Variants in TTC28 observed in about 807,000 individuals in gnomAD.
The protein encoded by TTC28 is tetratricopeptide repeat domain 28.
In TTC28, 61 loss-of-function variants were observed where a neutral mutation model predicts 198.0. The ratio of observed to expected loss-of-function variants is 0.31; its 90% CI spans 0.25 to 0.38. TTC28 has a LOEUF of 0.38. TTC28 is among the 10% of genes least tolerant of loss of function. The pLI, the probability that TTC28 is intolerant of heterozygous loss-of-function variation, is 1.00. For missense variants in TTC28, 2,678 were observed against 3,164.0 expected (o/e 0.85, Z 3.69); for synonymous variants, 1,171 against 1,297.8 (o/e 0.90, Z 2.10).
chr22:28,553,496 G>T (rs2049730171), intron 2 of TTC28, among the ~76,000 whole-genome samples: 1 of 151,566 alleles, frequency 6.6e-6, no homozygotes, highest in South Asian at 2.1e-4. Context: ...TGGGAGGCGA[G>T]GAGCGTCTCT....
At chr22:28,566,314 T>A (rs1426211499) in intron 2 of TTC28, among the ~76,000 whole-genome samples, 1 of 152,128 alleles carries the variant, frequency 6.6e-6, no homozygotes, top group African/African-American at 2.4e-5. Flanking sequence ...CTGTAGCAGT[T>A]AAAACAGCAT....
At chr22:28,500,911 T>A (rs1004731756) in intron 2 of TTC28, among the ~76,000 whole-genome samples, 2 of 152,164 alleles carry the variant, frequency 1.3e-5, no homozygotes, top group Non-Finnish European at 2.9e-5. Flanking sequence ...ATAAAAAAAA[T>A]GTTGACTTCT....
intron 10 of TTC28, among the ~76,000 whole-genome samples, chr22:28,098,412 A>G (rs1437942386): frequency 6.6e-6 from 1 of 152,138 alleles, no homozygotes; most frequent in Non-Finnish European, 1.5e-5. Flanking sequence ...GACCCACCAG[A>G]CAAGAGACTT....
At chr22:28,048,756 G>A (rs5762461) in intron 12 of TTC28, among the ~76,000 whole-genome samples, 61,151 of 151,648 alleles carry the variant, frequency 0.4, 13,140 homozygotes, top group South Asian at 0.57. Context: ...TGCTCCATCT[G>A]AACCAAGCAC....
intron 2 of TTC28, among the ~76,000 whole-genome samples, chr22:28,391,704 A>G (rs1047582263): frequency 4.6e-5 from 7 of 152,140 alleles, no homozygotes; most frequent in Admixed American, 2.0e-4. Context: ...AGCTCCTTTA[A>G]GCACTTCTCT....
chr22:28,227,168 A>G (rs1471852711), intron 5 of TTC28, among the ~76,000 whole-genome samples: 1 of 152,100 alleles, frequency 6.6e-6, no homozygotes, highest in Non-Finnish European at 1.5e-5. Context: ...CTTGGCCTCA[A>G]GTGATCCTCT....
At chr22:28,279,400 T>C (rs977920740) in intron 5 of TTC28, among the ~76,000 whole-genome samples, 32 of 152,290 alleles carry the variant, frequency 2.1e-4, no homozygotes, top group Non-Finnish European at 3.8e-4. Flanking sequence ...AGACAGAGTC[T>C]TTCTCTGTCA....
rs933923797 is a variant in TTC28, at chr22:27,983,857, C to A, written c.5816-6G>T. On this transcript the variant is annotated splice_polypyrimidine_tract_variant and splice_region_variant and intron_variant, in intron 22 of 22. Coordinates refer to ENST00000397906, the MANE Select transcript of TTC28 (RefSeq NM_001145418.2). ...CTTGGGTAGCTCAGTAGAATCTAAG[C>A]ACAAAACACAAGGGCCCCAAGGACA... 3.9e-6 allele frequency: 6 copies of A among 1,542,796 alleles called. No homozygotes were observed. In the African/African-American group the frequency reaches 8.3e-5, roughly 21 times the overall value.
intron 2 of TTC28, among the ~76,000 whole-genome samples, chr22:28,571,577 T>A (rs2050060677): frequency 6.6e-6 from 1 of 152,182 alleles, no homozygotes; most frequent in African/African-American, 2.4e-5. Context: ...ACTCTCTAAT[T>A]TATCCTGAAG....
rs1232777899 is a variant in TTC28 at position 27,999,224 on chromosome 22, A to G, written c.4435T>C (p.Ser1479Pro). ...LRKNPPTYSS[S>P]TSMAAVIGNP... ...CCGATGACAGCCGCCATGGATGTGG[A>G]GCTGGAGTATGTGGGCGGGTTCTTC... is the stretch of plus-strand genomic sequence containing the variant. Residue 1479 changes from serine (S) to proline (P), a missense_variant, in exon 16 of 23, where the codon TCC (serine) becomes CCC (proline). By Grantham distance (74) the Ser-to-Pro change is moderately conservative (BLOSUM62 -1). Coordinates refer to ENST00000397906, the MANE Select transcript of TTC28 (RefSeq NM_001145418.2). 6.4e-7 allele frequency: 1 copy of G among 1,550,806 alleles called. No homozygotes were observed. Among genetic ancestry groups the G allele is most frequent in the East Asian group, 2.4e-5 (1 of 40,910 alleles).
intron 6 of TTC28, among the ~76,000 whole-genome samples, chr22:28,162,872 T>C (rs780020155): frequency 1.3e-5 from 2 of 152,154 alleles, no homozygotes; most frequent in African/African-American, 2.4e-5. Context: ...ATCACTGCAG[T>C]GAGGTGTGGT....
At chr22:28,161,355 G>T (rs972021120) in intron 6 of TTC28, among the ~76,000 whole-genome samples, 2 of 152,074 alleles carry the variant, frequency 1.3e-5, no homozygotes, top group South Asian at 2.1e-4. Context: ...ACATAACAAG[G>T]CCTCACTGCA....
intron 2 of TTC28, among the ~76,000 whole-genome samples, chr22:28,328,480 G>A (rs1028473626): frequency 2.0e-5 from 3 of 151,922 alleles, no homozygotes; most frequent in East Asian, 1.9e-4. Flanking sequence ...AGGGCCAGGC[G>A]TGATGGCTCA....
chr22:28,557,619 T>C (rs2049806286), intron 2 of TTC28, among the ~76,000 whole-genome samples: 1 of 152,248 alleles, frequency 6.6e-6, no homozygotes, highest in African/African-American at 2.4e-5. Flanking sequence ...TAATATTCTA[T>C]ACCTGATCCC....
intron 12 of TTC28, among the ~76,000 whole-genome samples, chr22:28,031,828 C>T (rs1399325932): frequency 6.6e-6 from 1 of 152,102 alleles, no homozygotes; most frequent in African/African-American, 2.4e-5. Flanking sequence ...CATTTAAGCT[C>T]GCAGACTGAG....
intron 2 of TTC28, among the ~76,000 whole-genome samples, chr22:28,514,938 A>T (rs1355043643): frequency 6.6e-6 from 1 of 152,172 alleles, no homozygotes; most frequent in East Asian, 1.9e-4. Context: ...AATCTTTGTA[A>T]TCCTGTAATG....
chr22:28,371,369 G>T (rs1402717658), intron 2 of TTC28, among the ~76,000 whole-genome samples: 1 of 147,910 alleles, frequency 6.8e-6, no homozygotes, highest in East Asian at 2.0e-4. Context: ...AATTAGCTGG[G>T]CGTGGTGGCA....
Position 28,632,253 on chromosome 22 carries a change from C to CTTTTTTTT in TTC28, c.103-2431_103-2424dup, listed in dbSNP as rs765447917. Among the ~76,000 whole-genome samples the CTTTTTTTT allele has an allele frequency of 1.3e-3, 66 of 49,704 alleles. 8 individuals carry two copies. Among genetic ancestry groups the CTTTTTTTT allele is most frequent in the Non-Finnish European group, 1.5e-3 (42 of 28,218 alleles). The allele number at this position is 49,704 out of a possible 152,430, so 32.6% of individuals were successfully genotyped here. On this transcript the variant is annotated intron_variant, in intron 1 of 22. Transcript: ENST00000397906. ...ATATCAGTGTCCAAGTTATATTCAA[C>CTTTTTTTT]TTTTTTTTTTTTTTTTTTTTTTTTT...
chr22:28,565,898 A>T (rs1289973771), intron 2 of TTC28, among the ~76,000 whole-genome samples: 1 of 152,202 alleles, frequency 6.6e-6, no homozygotes, highest in African/African-American at 2.4e-5. Context: ...GGACCTTCCA[A>T]ACACAGGGGG....
Sources: allele counts gnomAD v4.1 joint callset (sites outside exome capture counted in the v4.1 genomes callset), GRCh38; gene constraint gnomAD v4.1.1; transcripts MANE v1.5; gene names NCBI Gene and HGNC (gene_info 2026-07-23, HGNC 2026-07-21).